Variants in USP42 observed in about 807,000 individuals in gnomAD.
USP42 encodes ubiquitin carboxyl-terminal hydrolase 42.
A neutral mutation model predicts 113.0 loss-of-function variants in USP42; 23 were observed. That is an observed-to-expected ratio of 0.20 (90% CI 0.15 to 0.29). USP42 has a LOEUF of 0.29. Ranked by LOEUF, USP42 falls within the 10% of genes least tolerant of loss-of-function variation. The pLI is 1.00. For synonymous variants in USP42, 933 were observed against 699.0 expected (o/e 1.33, Z -5.28); for missense variants, 2,174 against 1,779.8 (o/e 1.22, Z -3.99).
intron 3 of USP42, among the ~76,000 whole-genome samples, chr7:6,122,259 T>C (rs1431682015): frequency 6.6e-6 from 1 of 151,636 alleles, no homozygotes; most frequent in Non-Finnish European, 1.5e-5. Flanking sequence ...ATCCCAGATA[T>C]GTTGATATGT....
intron 14 of USP42, among the ~76,000 whole-genome samples, chr7:6,153,533 A>G (rs1782195235): frequency 6.6e-6 from 1 of 152,214 alleles, no homozygotes; most frequent in Admixed American, 6.5e-5. Flanking sequence ...AATAGCTGCT[A>G]AATGACGAGT....
rs1286073491 is a variant in USP42 at position 6,159,623 on chromosome 7, C to T, written c.*36+130C>T. The T allele has an allele frequency of 3.2e-6, 3 of 935,764 alleles. No homozygotes were observed. The highest frequency in any genetic ancestry group is 4.8e-6 in the Non-Finnish European group (3 of 621,580). 58.0% of individuals were successfully genotyped at this position (935,764 alleles called of 1,614,324 possible). A position where few individuals can be genotyped will look rare whatever the true frequency, so the allele number is the denominator to read the frequency against. On this transcript the variant is annotated intron_variant, in intron 17 of 17. Coordinates refer to ENST00000306177, the MANE Select transcript of USP42 (RefSeq NM_032172.3). This position sits in a 1 kb window ranked among gnomAD's most constrained non-coding sequence, Gnocchi z 4.1. The stretch of plus-strand genomic sequence containing the variant: ...GGAGTTGGCAGAGCCATGGAGAGGC[C>T]CCGGCAGGTTCCCAGCCAGCCCAGA...
At chr7:6,104,663 G>A (rs1779148391), upstream of USP42, among the ~76,000 whole-genome samples, 1 of 152,152 alleles carries the variant, frequency 6.6e-6, no homozygotes, top group Non-Finnish European at 1.5e-5. Flanking sequence ...CCCTTTCGCC[G>A]GCGCGCAGAC....
the USP42 span, among the ~76,000 whole-genome samples, chr7:6,095,385 AG>A: frequency 5.3e-5 from 8 of 151,186 alleles, 1 homozygote; most frequent in African/African-American, 9.9e-5. Flanking sequence ...AAATGGCCAG[AG>A]GGGCCGGGTG....
chr7:6,105,444 C>A lies in USP42; in HGVS notation c.-10+412C>A, dbSNP rs1307542990. 6.0e-5 allele frequency among the ~76,000 whole-genome samples: 9 copies of A among 149,684 alleles called. No individual in the cohort carries two copies. In the South Asian group the frequency reaches 1.7e-3, roughly 28 times the overall value. ...GGGTGGGCGTGTGCTGGCCGCTGACCGCGGAGTCCGGCGTCCCCGGCCCGC... is the reference window on the plus strand; with the variant it reads ...GGGTGGGCGTGTGCTGGCCGCTGACAGCGGAGTCCGGCGTCCCCGGCCCGC... On this transcript the variant is annotated intron_variant, in intron 1 of 17. Coordinates refer to ENST00000306177, the MANE Select transcript of USP42 (RefSeq NM_032172.3).
chr7:6,140,835 T>C, intron 6 of USP42, 79 bp from the exon 7 acceptor site: 2 of 837,058 alleles, frequency 2.4e-6, no homozygotes, highest in Non-Finnish European at 3.8e-6. Flanking sequence ...ATTTCAAAAT[T>C]GTATTTTGTC....
chr7:6,129,488 T>G (rs1278943398), intron 3 of USP42, among the ~76,000 whole-genome samples: 1 of 133,692 alleles, frequency 7.5e-6, no homozygotes, highest in Admixed American at 8.1e-5. Context: ...ATCCAGGAGG[T>G]GGAAGTTGTG....
At chr7:6,147,192 G>T (rs998484773) in intron 11 of USP42, among the ~76,000 whole-genome samples, 1 of 152,148 alleles carries the variant, frequency 6.6e-6, no homozygotes, top group African/African-American at 2.4e-5. Flanking sequence ...CAAGTTGAGG[G>T]GTAGGATTTT....
Position 6,139,922 on chromosome 7 carries a change from G to A in USP42, c.657-206G>A, listed in dbSNP as rs927078738. 113 of 598,122 alleles carry A rather than the reference G, an allele frequency of 1.9e-4. No homozygotes were observed. The highest frequency in any genetic ancestry group is 1.5e-3 in the African/African-American group (80 of 53,514). 37.1% of individuals were successfully genotyped at this position (598,122 alleles called of 1,614,324 possible). A position where few individuals can be genotyped will look rare whatever the true frequency, so the allele number is the denominator to read the frequency against. ...ACAGACACAGCTCCCACAGCTCTGC[G>A]TCTCCTCCCGCCACTCCCAGACCTC... On this transcript the variant is annotated intron_variant, in intron 5 of 17. Transcript: ENST00000306177. The surrounding 1 kb of genome is among the most constrained non-coding windows in gnomAD (Gnocchi z 4.5).
At chr7:6,160,224 G>A (rs528112306) in intron 17 of USP42, among the ~76,000 whole-genome samples, 33 of 152,318 alleles carry the variant, frequency 2.2e-4, no homozygotes, top group Non-Finnish European at 4.4e-4. Flanking sequence ...TTAATTGGCC[G>A]TTAATTAACA....
In USP42 at chr7:6,150,477, C is replaced by T. The variant is rs779884528; in HGVS notation, c.2172C>T (p.Asn724=). ...TCTTAGAGACCTTCAGGCTTAGCAA[C>T]AAACTGAAAGGCTCGACGGATGAAA... The part of the protein sequence containing the change: ...DKILETFRLS[N]KLKGSTDEMS... The change falls in exon 14 of 18, where the codon AAC becomes AAT. Residue 724 remains asparagine, a synonymous_variant. Coordinates refer to ENST00000306177, the MANE Select transcript of USP42 (RefSeq NM_032172.3). 9.9e-6 allele frequency: 16 copies of T among 1,613,814 alleles called. No individual in the cohort carries two copies. Among genetic ancestry groups the T allele is most frequent in the Non-Finnish European group, 1.3e-5 (15 of 1,179,874 alleles).
intron 11 of USP42, among the ~76,000 whole-genome samples, 156 bp from the exon 12 acceptor site, chr7:6,147,583 G>T (rs1412787402): frequency 6.6e-6 from 1 of 152,246 alleles, no homozygotes; most frequent in Non-Finnish European, 1.5e-5. Flanking sequence ...TTAGCCTGAA[G>T]GAGGGGATGT....
chr7:6,116,148 G>C lies in USP42; in HGVS notation c.442+625G>C, dbSNP rs549114727. On this transcript the variant is annotated intron_variant, in intron 3 of 17. Coordinates refer to ENST00000306177, the MANE Select transcript of USP42 (RefSeq NM_032172.3). ...GTCTGATGCCAGCAACTTGGGACAG[G>C]CGAGGTTAAGAAATCCTGCCTCTCC... 4.0e-5 allele frequency among the ~76,000 whole-genome samples: 6 copies of C among 151,010 alleles called. No individual in the cohort carries two copies. In the East Asian group the frequency reaches 9.7e-4, roughly 24 times the overall value.
the USP42 span, among the ~76,000 whole-genome samples, chr7:6,089,319 G>A: frequency 6.7e-6 from 1 of 150,052 alleles, no homozygotes; most frequent in South Asian, 2.1e-4. Flanking sequence ...CTCCCAAAGT[G>A]CTGGGACTAA....
At chr7:6,144,218 T>TCATG in intron 9 of USP42, 22 bp downstream of exon 9, 2 of 1,488,380 alleles carry the variant, frequency 1.3e-6, no homozygotes, top group Non-Finnish European at 1.8e-6. Flanking sequence ...ATGTCATTAA[T>TCATG]CATGTTTTAT....
chr7:6,119,026 G>A (rs939743099), intron 3 of USP42, among the ~76,000 whole-genome samples: 5 of 151,306 alleles, frequency 3.3e-5, no homozygotes, highest in Admixed American at 6.6e-5. Context: ...ACCAGCCTGG[G>A]CAACATGTCA....
At chr7:6,133,808 C>G (rs1780981179) in intron 3 of USP42, among the ~76,000 whole-genome samples, 2 of 152,158 alleles carry the variant, frequency 1.3e-5, no homozygotes, top group African/African-American at 4.8e-5. Context: ...GCGTAAGCCA[C>G]CGCACCTGGT....
intron 6 of USP42, among the ~76,000 whole-genome samples, chr7:6,140,516 A>G (rs1462389939): frequency 2.6e-5 from 4 of 152,186 alleles, no homozygotes; most frequent in Non-Finnish European, 2.9e-5. Flanking sequence ...TTAGTCCCCT[A>G]TCGATGGGAT....
the USP42 span, among the ~76,000 whole-genome samples, chr7:6,086,775 G>A: frequency 6.7e-6 from 1 of 149,682 alleles, no homozygotes; most frequent in Admixed American, 6.7e-5. Flanking sequence ...CGCCCAGGCT[G>A]GAATGCAATG....
Sources: gnomAD v4.1 joint callset for allele counts (sites outside exome capture counted in the v4.1 genomes callset) on GRCh38, gnomAD v4.1.1 for gene constraint, Gnocchi (gnomAD v3.1) non-coding constraint, MANE v1.5 for transcripts, NCBI Gene and HGNC (gene_info 2026-07-23, HGNC 2026-07-21) for gene names.